Variants in NRG1 observed in about 807,000 individuals in gnomAD.
NRG1 encodes pro-neuregulin-1, membrane-bound isoform.
Under a neutral mutation model 63.8 loss-of-function variants are expected in NRG1, and 18 were observed. That is an observed-to-expected ratio of 0.28 (90% CI 0.19 to 0.42). The LOEUF is 0.42. NRG1 is among the 10% of genes least tolerant of loss of function. The probability of loss-of-function intolerance (pLI) is 1.00; values close to 1 mark genes in which losing one functional copy is unlikely to be tolerated. For synonymous variants in NRG1, 302 were observed against 301.3 expected (o/e 1.00, Z -0.02); for missense variants, 762 against 814.7 (o/e 0.94, Z 0.79).
intron 5 of NRG1, among the ~76,000 whole-genome samples, chr8:32,711,584 A>T (rs1817825696): frequency 6.6e-6 from 1 of 152,198 alleles, no homozygotes; most frequent in Non-Finnish European, 1.5e-5. Flanking sequence ...GTTATGCTGT[A>T]ATGTTACGCT....
At chr8:32,237,738 T>TACTGCCTCTTTTTGGTTTCTC in intron 1 of NRG1, among the ~76,000 whole-genome samples, 1 of 152,298 alleles carries the variant, frequency 6.6e-6, no homozygotes, top group Non-Finnish European at 1.5e-5. Flanking sequence ...TATGGTTTCT[T>TACTGCCTCTTTTTGGTTTCTC]ACTGCCTCTT....
intron 7 of NRG1, among the ~76,000 whole-genome samples, chr8:32,751,801 C>G (rs1828788357): frequency 6.6e-6 from 1 of 152,120 alleles, no homozygotes; most frequent in African/African-American, 2.4e-5. Flanking sequence ...TCCTACACTG[C>G]ATAGAAAGAA....
chr8:32,189,286 A>G (rs376534321), intron 1 of NRG1, among the ~76,000 whole-genome samples: 10 of 151,876 alleles, frequency 6.6e-5, no homozygotes, highest in Non-Finnish European at 7.4e-5. Context: ...CTTTATGTTC[A>G]TGTGTATCCA....
At chr8:32,752,809 C>G (rs1203744142) in intron 7 of NRG1, among the ~76,000 whole-genome samples, 1 of 151,842 alleles carries the variant, frequency 6.6e-6, no homozygotes, top group African/African-American at 2.4e-5. Context: ...TAGTCCTTTA[C>G]CCACTGACTT....
intron 1 of NRG1, among the ~76,000 whole-genome samples, chr8:31,964,106 G>C (rs1699498179): frequency 6.6e-6 from 1 of 152,176 alleles, no homozygotes; most frequent in Non-Finnish European, 1.5e-5. Context: ...GGATAACTTA[G>C]ACTGAGAGCT....
At chr8:32,330,833 T>C (rs1802551885) in intron 1 of NRG1, among the ~76,000 whole-genome samples, 1 of 152,228 alleles carries the variant, frequency 6.6e-6, no homozygotes, top group South Asian at 2.1e-4. Flanking sequence ...GAAATTCTAC[T>C]GTGTTAAAGT....
At chr8:32,601,045 G>A (rs910518105) in intron 2 of NRG1, among the ~76,000 whole-genome samples, 4 of 152,018 alleles carry the variant, frequency 2.6e-5, no homozygotes, top group African/African-American at 9.7e-5. Context: ...GGAAGATTTG[G>A]CTCATTCTAC....
intron 1 of NRG1, among the ~76,000 whole-genome samples, chr8:32,212,892 T>C (rs1844835421): frequency 6.6e-6 from 1 of 152,218 alleles, no homozygotes; most frequent in African/African-American, 2.4e-5. Context: ...GAGATGAGTA[T>C]TTTGTTGGCT....
intron 1 of NRG1, among the ~76,000 whole-genome samples, chr8:31,648,485 A>G (rs1804526086): frequency 6.6e-6 from 1 of 152,152 alleles, no homozygotes. Context: ...GTAATGTTGT[A>G]CAACTATCAC....
At chr8:31,831,426 G>T (rs1298960450) in intron 1 of NRG1, among the ~76,000 whole-genome samples, 1 of 141,102 alleles carries the variant, frequency 7.1e-6, no homozygotes, top group Non-Finnish European at 1.6e-5. Context: ...AAGGGTTTGA[G>T]ATTTTTTTTG....
At chr8:32,560,461 CTT>C (rs1271159968) in intron 1 of NRG1, among the ~76,000 whole-genome samples, 1 of 152,162 alleles carries the variant, frequency 6.6e-6, no homozygotes, top group East Asian at 1.9e-4. Context: ...AGAACATAGT[CTT>C]TGTTTTTAAG....
intron 1 of NRG1, among the ~76,000 whole-genome samples, chr8:31,733,215 G>A (rs1422645424): frequency 6.7e-6 from 1 of 148,582 alleles, no homozygotes; most frequent in East Asian, 2.0e-4. Context: ...TCCCAGTCAT[G>A]CACTGATGGA....
At chr8:32,576,536 ATCTTAAACATTTTT>A (rs1460629303) in intron 1 of NRG1, among the ~76,000 whole-genome samples, 6 of 152,078 alleles carry the variant, frequency 3.9e-5, no homozygotes, top group Non-Finnish European at 7.4e-5. Context: ...AGGGCAATAA[ATCTTAAACATTTTT>A]TCTTAAAAAA....
intron 1 of NRG1, among the ~76,000 whole-genome samples, chr8:32,237,662 G>C (rs1488828304): frequency 2.0e-5 from 3 of 152,116 alleles, no homozygotes; most frequent in Non-Finnish European, 4.4e-5. Flanking sequence ...TAGACAATAA[G>C]CGCTGAGTTA....
intron 1 of NRG1, among the ~76,000 whole-genome samples, chr8:32,291,261 A>G (rs1182809012): frequency 1.3e-5 from 2 of 152,298 alleles, no homozygotes; most frequent in East Asian, 3.9e-4. Flanking sequence ...ACCCTCACAG[A>G]AACACCAGAA....
intron 1 of NRG1, among the ~76,000 whole-genome samples, chr8:32,559,279 T>A (rs1429857320): frequency 9.0e-6 from 1 of 110,666 alleles, no homozygotes; most frequent in Admixed American, 1.1e-4. Context: ...ACTCAGACCT[T>A]ATAAGAATCT....
intron 1 of NRG1, among the ~76,000 whole-genome samples, chr8:31,934,420 CTTTTTTTTTT>C (rs1554580265): frequency 1.9e-5 from 2 of 108,062 alleles, no homozygotes; most frequent in East Asian, 4.7e-4. Flanking sequence ...TATTCGCTCT[CTTTTTTTTTT>C]TTTTTTTTTT....
chr8:31,855,876 T>G (rs1421794756), intron 1 of NRG1, among the ~76,000 whole-genome samples: 1 of 152,070 alleles, frequency 6.6e-6, no homozygotes, highest in Non-Finnish European at 1.5e-5. Flanking sequence ...TTATGAAGCT[T>G]AGTTTGGCTG....
intron 1 of NRG1, among the ~76,000 whole-genome samples, chr8:32,054,140 C>T (rs1586765829): frequency 6.6e-6 from 1 of 152,080 alleles, no homozygotes; most frequent in African/African-American, 2.4e-5. Context: ...TTTTGCCCAC[C>T]ACTGCATTGT....
Sources: gnomAD v4.1 joint callset for allele counts (sites outside exome capture counted in the v4.1 genomes callset) on GRCh38, gnomAD v4.1.1 for gene constraint, MANE v1.5 for transcripts, NCBI Gene and HGNC (gene_info 2026-07-23, HGNC 2026-07-21) for gene names.